The following ADAM18 variants were observed in gnomAD, a reference collection of about 807,000 sequenced individuals.
ADAM18 encodes disintegrin and metalloproteinase domain-containing protein 18.
Under a neutral mutation model 94.4 loss-of-function variants are expected in ADAM18, and 117 were observed. The ratio of observed to expected loss-of-function variants is 1.24; its 90% CI spans 1.07 to 1.45. The LOEUF (loss-of-function observed/expected upper bound fraction) is 1.45, where lower values mean the gene tolerates loss of function less well. Among genes scored for constraint, ADAM18 ranks in the 40% most tolerant of loss-of-function variants. The pLI is 0.00. For synonymous variants in ADAM18, 327 were observed against 291.6 expected, an observed-to-expected ratio of 1.12 and a Z score of -1.24; for missense variants, 936 against 880.0, an observed-to-expected ratio of 1.06 and a Z score of -0.81.
intron 10 of ADAM18, among the ~76,000 whole-genome samples, chr8:39,639,796 C>G (rs1193869073): frequency 6.6e-6 from 1 of 151,934 alleles, no homozygotes; most frequent in African/African-American, 2.4e-5. Flanking sequence ...ATTCGTCTTT[C>G]CTTTCTTGGA....
chr8:39,620,633 CAT>C lies in ADAM18; in HGVS notation c.523-8736_523-8735del, dbSNP rs552758607. Reference sequence around the variant, plus strand: ...AATTTATATATTAAAATATATATAACATATATTTATATATTGTTATATATAAA... The same window carrying C: ...AATTTATATATTAAAATATATATAACATATTTATATATTGTTATATATAAA... On this transcript the variant is annotated intron_variant, in intron 6 of 19. Transcript: ENST00000265707. Among the ~76,000 whole-genome samples, 894 of 144,862 alleles carry C rather than the reference CAT, an allele frequency of 6.2e-3. 6 individuals are homozygous for C. Among genetic ancestry groups the C allele is most frequent in the Non-Finnish European group, 9.3e-3 (618 of 66,454 alleles).
At chr8:39,660,038 T>C (rs1029921027) in intron 12 of ADAM18, among the ~76,000 whole-genome samples, 2 of 152,144 alleles carry the variant, frequency 1.3e-5, no homozygotes, top group Non-Finnish European at 2.9e-5. Context: ...TACAATAATT[T>C]ATTTTAACTA....
chr8:39,619,595 A>G (rs1285023336), intron 6 of ADAM18, among the ~76,000 whole-genome samples: 1 of 152,180 alleles, frequency 6.6e-6, no homozygotes, highest in Non-Finnish European at 1.5e-5. Context: ...CTATATGCCA[A>G]TAATAACCTA....
chr8:39,662,747 C>A (rs1307308242), intron 12 of ADAM18, among the ~76,000 whole-genome samples: 1 of 152,140 alleles, frequency 6.6e-6, no homozygotes, highest in Non-Finnish European at 1.5e-5. Flanking sequence ...GCCTCAGCGT[C>A]CTGAGTAGCT....
At position 39,619,854 on chromosome 8, in the gene ADAM18, T is replaced by G. The variant is rs560362079; in HGVS notation, c.522+9148T>G. ...TTCAATGCAATTTCTGTCAAAATTC[T>G]AATACCAGTCTTTACAGAAATAGAA... On this transcript the variant is annotated intron_variant, in intron 6 of 19. Transcript: ENST00000265707. 5.3e-5 allele frequency among the ~76,000 whole-genome samples: 8 copies of G among 152,284 alleles called. No individual in the cohort carries two copies. In the East Asian group the frequency reaches 1.3e-3, roughly 26 times the overall value.
At chr8:39,614,479 A>T (rs1585899739) in intron 6 of ADAM18, among the ~76,000 whole-genome samples, 1 of 152,324 alleles carries the variant, frequency 6.6e-6, no homozygotes, top group African/African-American at 2.4e-5. Context: ...GGAATGCTAA[A>T]CATGGAAACA....
chr8:39,691,282 A>G (rs1380793677), intron 16 of ADAM18, among the ~76,000 whole-genome samples: 2 of 152,174 alleles, frequency 1.3e-5, no homozygotes, highest in Non-Finnish European at 2.9e-5. Context: ...ATATCTAACT[A>G]GCAAGCTCAT....
intron 2 of ADAM18, among the ~76,000 whole-genome samples, chr8:39,594,434 A>G (rs1174585807): frequency 1.3e-5 from 2 of 152,100 alleles, no homozygotes; most frequent in South Asian, 2.1e-4. Context: ...GGGTGTTTCA[A>G]TCCTTCCTCT....
chr8:39,650,673 G>C (rs1343684288), intron 12 of ADAM18, among the ~76,000 whole-genome samples: 1 of 152,194 alleles, frequency 6.6e-6, no homozygotes, highest in African/African-American at 2.4e-5. Flanking sequence ...ATGTTCAAGA[G>C]CTGGAAAAGT....
chr8:39,646,832 T>G (rs1377377410), intron 11 of ADAM18, among the ~76,000 whole-genome samples: 2 of 152,122 alleles, frequency 1.3e-5, no homozygotes, highest in African/African-American at 2.4e-5. Flanking sequence ...AAAATAAAAA[T>G]TAATGAAGCT....
rs1048238806 is a variant in ADAM18 at position 39,610,997 on chromosome 8, T to G, written c.522+291T>G. ...AGAAAGAACAGAGTCACTGTTATTC[T>G]AGTACCTTGGTAAAATTACTTTTAA... On this transcript the variant is annotated intron_variant, in intron 6 of 19. Transcript: ENST00000265707. The G allele has an allele frequency of 4.3e-5, 50 of 1,158,682 alleles. No homozygotes were observed. In the African/African-American group the frequency reaches 6.9e-4, roughly 16 times the overall value. 71.8% of individuals were successfully genotyped at this position (1,158,682 alleles called of 1,614,324 possible). A position where few individuals can be genotyped will look rare whatever the true frequency, so the allele number is the denominator to read the frequency against.
At chr8:39,619,002 C>G (rs777937735) in intron 6 of ADAM18, among the ~76,000 whole-genome samples, 1 of 152,022 alleles carries the variant, frequency 6.6e-6, no homozygotes, top group Non-Finnish European at 1.5e-5. Context: ...CAGGGGGTCT[C>G]CCTACAAATT....
chr8:39,594,483 C>T (rs1275958375), intron 2 of ADAM18, among the ~76,000 whole-genome samples: 2 of 151,808 alleles, frequency 1.3e-5, no homozygotes, highest in South Asian at 4.2e-4. Flanking sequence ...TTTATTTAGT[C>T]GTTTTCTTAG....
At chr8:39,635,293 T>C (rs1820046980) in intron 7 of ADAM18, among the ~76,000 whole-genome samples, 1 of 152,218 alleles carries the variant, frequency 6.6e-6, no homozygotes, top group African/African-American at 2.4e-5. Flanking sequence ...TGATCTAAAT[T>C]ATCAAATTTC....
At position 39,700,987 on chromosome 8, in the gene ADAM18, G is replaced by A. The variant is rs368094475; in HGVS notation, c.1903-5803G>A. ...CAAAAAATTAGCCGGGCGTAGTGGC[G>A]GGCGCCTGTAGTCCCAGCTACTTGG... On this transcript the variant is annotated intron_variant, in intron 17 of 19. Transcript: ENST00000265707. Among the ~76,000 whole-genome samples the A allele has an allele frequency of 1.0e-4, 15 of 149,174 alleles. 1 individual carries two copies. Among genetic ancestry groups the A allele is most frequent in the African/African-American group, 2.9e-4 (12 of 40,958 alleles).
intron 15 of ADAM18, among the ~76,000 whole-genome samples, chr8:39,678,842 A>T (rs1006757903): frequency 6.6e-6 from 1 of 152,246 alleles, no homozygotes; most frequent in Non-Finnish European, 1.5e-5. Context: ...TGAGTAGCAT[A>T]CATCGTCTGA....
In ADAM18 at chr8:39,723,758, T is replaced by A; in HGVS notation, c.2028T>A (p.Tyr676Ter). The A allele has an allele frequency of 6.6e-7, 1 of 1,514,260 alleles. No homozygotes were observed. The highest frequency in any genetic ancestry group is 8.8e-7 in the Non-Finnish European group (1 of 1,136,344). The allele number at this position is 1,514,260 out of a possible 1,614,324, so 93.8% of individuals were successfully genotyped here. Residue 676 changes from tyrosine (Y) to a stop codon, truncating the protein, a stop_gained, in exon 19 of 20, where the codon TAT (tyrosine) becomes TAA (stop). Coordinates refer to ENST00000265707, the MANE Select transcript of ADAM18 (RefSeq NM_014237.3). LOFTEE classifies it high-confidence loss of function. ...DGNFQKSGDF[Y>*]TEKGYNTHWN... Reference sequence around the variant, plus strand: ...ATGATTCATTTCTAGGTGACTTTTATACTGAAAAAGGCTACAATACACACT... The same window carrying A: ...ATGATTCATTTCTAGGTGACTTTTAAACTGAAAAAGGCTACAATACACACT...
intron 12 of ADAM18, among the ~76,000 whole-genome samples, chr8:39,657,973 A>G (rs770380246): frequency 1.3e-5 from 2 of 152,202 alleles, no homozygotes; most frequent in Non-Finnish European, 2.9e-5. Context: ...AATGAGAATT[A>G]TATTGTATTA....
At chr8:39,701,454 A>C (rs929842024) in intron 17 of ADAM18, among the ~76,000 whole-genome samples, 2 of 151,560 alleles carry the variant, frequency 1.3e-5, no homozygotes, top group South Asian at 2.1e-4. Flanking sequence ...TTTCTTTTTT[A>C]TTTTTTAATT....
Sources: gnomAD v4.1 joint callset for allele counts (sites outside exome capture counted in the v4.1 genomes callset) on GRCh38, gnomAD v4.1.1 for gene constraint, MANE v1.5 for transcripts, NCBI Gene and HGNC (gene_info 2026-07-23, HGNC 2026-07-21) for gene names.